Variants in PRKN observed in about 807,000 individuals in gnomAD.
PRKN encodes E3 ubiquitin-protein ligase parkin.
In PRKN, 56 loss-of-function variants were observed where a neutral mutation model predicts 59.5. The observed-to-expected ratio is 0.94, with a 90% CI of 0.76 to 1.18. The LOEUF is 1.18. Among genes scored for constraint, PRKN ranks in the 50% most tolerant of loss-of-function variants. The pLI is 0.00. For missense variants in PRKN, 657 were observed against 596.4 expected, an observed-to-expected ratio of 1.10 and a Z score of -1.06; for synonymous variants, 250 against 222.1, an observed-to-expected ratio of 1.13 and a Z score of -1.12.
chr6:162,338,172 A>G (rs1293248473), intron 2 of PRKN, among the ~76,000 whole-genome samples: 1 of 152,164 alleles, frequency 6.6e-6, no homozygotes, highest in Admixed American at 6.5e-5. Context: ...AGACAAATGT[A>G]CAATTATAAC....
At chr6:162,173,244 T>G (rs984994997) in intron 4 of PRKN, among the ~76,000 whole-genome samples, 7 of 152,156 alleles carry the variant, frequency 4.6e-5, no homozygotes, top group Non-Finnish European at 7.3e-5. Context: ...CTGGTCTTAC[T>G]ACAGTCATTG....
intron 5 of PRKN, among the ~76,000 whole-genome samples, chr6:161,987,567 T>A (rs141325134): frequency 6.6e-6 from 1 of 152,242 alleles, no homozygotes; most frequent in Non-Finnish European, 1.5e-5. Context: ...GAATACCTAA[T>A]ACAATGTAAA....
At chr6:161,753,542 G>A (rs1240608790) in intron 7 of PRKN, among the ~76,000 whole-genome samples, 1 of 152,202 alleles carries the variant, frequency 6.6e-6, no homozygotes, top group Non-Finnish European at 1.5e-5. Flanking sequence ...GAGGTTTATG[G>A]GTGGACTTTT....
chr6:162,058,536 T>C (rs1241753513), intron 4 of PRKN, among the ~76,000 whole-genome samples: 2 of 152,204 alleles, frequency 1.3e-5, no homozygotes, highest in African/African-American at 2.4e-5. Flanking sequence ...AAGAAATCCA[T>C]TTCGCTGTGG....
chr6:161,985,735 C>T (rs1240867079), intron 5 of PRKN, among the ~76,000 whole-genome samples: 1 of 152,168 alleles, frequency 6.6e-6, no homozygotes, highest in East Asian at 1.9e-4. Context: ...CGAGCAAGGC[C>T]TTGTAGACTT....
intron 7 of PRKN, among the ~76,000 whole-genome samples, chr6:161,732,601 C>T (rs879592702): frequency 3.3e-5 from 5 of 151,884 alleles, no homozygotes; most frequent in Non-Finnish European, 5.9e-5. Flanking sequence ...AAAGAAATAC[C>T]TACTCAAAAT....
chr6:162,148,140 C>G (rs367887309), intron 4 of PRKN, among the ~76,000 whole-genome samples: 11 of 152,264 alleles, frequency 7.2e-5, no homozygotes, highest in African/African-American at 2.6e-4. Context: ...GCCTATAAAA[C>G]AACCATTGGA....
chr6:161,979,705 C>A (rs1416284051), intron 5 of PRKN, among the ~76,000 whole-genome samples: 2 of 152,186 alleles, frequency 1.3e-5, no homozygotes, highest in African/African-American at 4.8e-5. Context: ...TCTTCTCTTT[C>A]ATCATAACTC....
chr6:162,423,933 C>T (rs1049401852), intron 2 of PRKN, among the ~76,000 whole-genome samples: 7 of 152,124 alleles, frequency 4.6e-5, no homozygotes, highest in Admixed American at 1.3e-4. Context: ...TTTATTTCCA[C>T]ACAAAAACCT....
At chr6:162,254,698 CT>C (rs1779574201) in intron 3 of PRKN, among the ~76,000 whole-genome samples, 1 of 152,114 alleles carries the variant, frequency 6.6e-6, no homozygotes, top group Non-Finnish European at 1.5e-5. Context: ...CCAGAGCCAG[CT>C]TTGTTAAGCC....
intron 3 of PRKN, among the ~76,000 whole-genome samples, chr6:162,252,737 T>A (rs1023240216): frequency 6.6e-5 from 10 of 152,250 alleles, no homozygotes; most frequent in Admixed American, 4.6e-4. Flanking sequence ...CATCTAGAAC[T>A]GGAAGAAATA....
At chr6:161,858,645 T>C (rs1245668551) in intron 6 of PRKN, among the ~76,000 whole-genome samples, 1 of 150,970 alleles carries the variant, frequency 6.6e-6, no homozygotes. Context: ...AGAGTGAGCC[T>C]GCAACAGCAT....
intron 5 of PRKN, among the ~76,000 whole-genome samples, chr6:162,051,078 C>T (rs1777620448): frequency 6.6e-6 from 1 of 152,112 alleles, no homozygotes; most frequent in Non-Finnish European, 1.5e-5. Flanking sequence ...TCCAAAATTC[C>T]CCCCATTTGG....
chr6:162,586,110 C>A lies in PRKN; in HGVS notation c.7+141552G>T, dbSNP rs146872028. On this transcript the variant is annotated intron_variant, in intron 1 of 11. Coordinates refer to ENST00000366898, the MANE Select transcript of PRKN (RefSeq NM_004562.3). ...AGTAACTACCTCAGTGTCACCAAGG[C>A]ACCCAATAGAGGAGCCAGGATTCAC... 9.6e-3 allele frequency among the ~76,000 whole-genome samples: 1,459 copies of A among 152,268 alleles called. 25 individuals are homozygous for A. The highest frequency in any genetic ancestry group is 0.015 in the Non-Finnish European group (1,001 of 68,028).
chr6:161,714,676 A>C (rs2128183439), intron 7 of PRKN, among the ~76,000 whole-genome samples: 1 of 152,376 alleles, frequency 6.6e-6, no homozygotes, highest in Admixed American at 6.5e-5. Context: ...AAACACAGAA[A>C]AGAGAAAAAC....
chr6:161,999,514 G>A (rs9295179), intron 5 of PRKN, among the ~76,000 whole-genome samples: 69,499 of 151,970 alleles, frequency 0.46, 16,242 homozygotes, highest in East Asian at 0.6. Context: ...TTCATGGCAC[G>A]TCCATTTATG....
chr6:162,386,319 CAT>C (rs984552691), intron 2 of PRKN, among the ~76,000 whole-genome samples: 12 of 152,114 alleles, frequency 7.9e-5, no homozygotes, highest in African/African-American at 2.9e-4. Flanking sequence ...ATAATAAAAA[CAT>C]ATAATTTTAT....
At chr6:162,180,257 A>G (rs1562563098) in intron 4 of PRKN, among the ~76,000 whole-genome samples, 1 of 152,182 alleles carries the variant, frequency 6.6e-6, no homozygotes, top group African/African-American at 2.4e-5. Flanking sequence ...ACTACAGTCA[A>G]TAATAACTTA....
chr6:161,652,782 C>A (rs1213717354), intron 7 of PRKN, among the ~76,000 whole-genome samples: 2 of 152,124 alleles, frequency 1.3e-5, no homozygotes, highest in African/African-American at 2.4e-5. Context: ...ACAACCAAAC[C>A]AGCTATTAAA....
Sources: gnomAD v4.1 joint callset for allele counts (sites outside exome capture counted in the v4.1 genomes callset) on GRCh38, gnomAD v4.1.1 for gene constraint, MANE v1.5 for transcripts, NCBI Gene and HGNC (gene_info 2026-07-23, HGNC 2026-07-21) for gene names.